The following FHOD3 variants were observed in gnomAD, a reference collection of about 807,000 sequenced individuals.
FHOD3 encodes formin homology 2 domain containing 3.
FHOD3 carries 90 observed loss-of-function variants against 173.0 expected under a neutral mutation model. The observed-to-expected ratio is 0.52, with a 90% CI of 0.44 to 0.62. The LOEUF is 0.62. Ranked by LOEUF, FHOD3 falls within the 20% of genes least tolerant of loss-of-function variation. The pLI is 0.00. For synonymous variants in FHOD3, 828 were observed against 823.0 expected (o/e 1.01, Z -0.10); for missense variants, 1,945 against 2,034.7 (o/e 0.96, Z 0.85).
intron 5 of FHOD3, 115 bp downstream of exon 5, chr18:36,512,658 G>T: frequency 2.7e-6 from 2 of 731,876 alleles, no homozygotes; most frequent in South Asian, 1.6e-5. Context: ...AGAGTAAGGT[G>T]GTAAAGACAC....
intron 14 of FHOD3, among the ~76,000 whole-genome samples, chr18:36,664,777 T>TGAGAGAGAGAGAGAGAGAGAGAGA (rs373836211): frequency 4.6e-5 from 6 of 129,518 alleles, no homozygotes; most frequent in Non-Finnish European, 9.7e-5. Flanking sequence ...TGTGTGTATG[T>TGAGAGAGAGAGAGAGAGAGAGAGA]GAGAGAGAGA....
intron 9 of FHOD3, among the ~76,000 whole-genome samples, chr18:36,621,924 G>A (rs2033741075): frequency 6.6e-6 from 1 of 152,156 alleles, no homozygotes; most frequent in Non-Finnish European, 1.5e-5. Flanking sequence ...AATAGCCAAG[G>A]TGTGGAACCA....
intron 1 of FHOD3, among the ~76,000 whole-genome samples, chr18:36,339,769 G>A (rs1372638623): frequency 6.6e-6 from 1 of 152,186 alleles, no homozygotes; most frequent in African/African-American, 2.4e-5. Context: ...GTATCCCCGT[G>A]CCTGAGAAAG....
At chr18:36,529,806 TA>T (rs1241376543) in intron 5 of FHOD3, among the ~76,000 whole-genome samples, 1 of 151,966 alleles carries the variant, frequency 6.6e-6, no homozygotes, top group African/African-American at 2.4e-5. Flanking sequence ...TCTCAAAAAA[TA>T]AAAATAAAAA....
intron 3 of FHOD3, among the ~76,000 whole-genome samples, chr18:36,400,011 G>C (rs1398694294): frequency 6.6e-6 from 1 of 152,190 alleles, no homozygotes; most frequent in African/African-American, 2.4e-5. Context: ...CCCAAAAGCT[G>C]GACAGGAAGA....
chr18:36,569,284 A>T (rs1238168751), intron 5 of FHOD3, among the ~76,000 whole-genome samples: 2 of 152,196 alleles, frequency 1.3e-5, no homozygotes, highest in African/African-American at 4.8e-5. Context: ...TGCAGGAGAA[A>T]AAAACATGCA....
chr18:36,721,134 C>T (rs1277380145), intron 19 of FHOD3, among the ~76,000 whole-genome samples: 1 of 152,124 alleles, frequency 6.6e-6, no homozygotes, highest in Non-Finnish European at 1.5e-5. Flanking sequence ...AATGTATTGC[C>T]TAGCTAATAG....
At chr18:36,499,365 A>G (rs1292706906) in intron 3 of FHOD3, among the ~76,000 whole-genome samples, 1 of 152,100 alleles carries the variant, frequency 6.6e-6, no homozygotes, top group Non-Finnish European at 1.5e-5. Context: ...CGGCCTCCCA[A>G]AGTGCTGGGA....
Position 36,561,168 on chromosome 18 carries a change from T to C in FHOD3, c.512-15283T>C, listed in dbSNP as rs75381141. ...AGTAGCTGATAACATGAGAAATGCTTATATAATTACAGAAATGAAAGCAAA... is the reference window on the plus strand; with the variant it reads ...AGTAGCTGATAACATGAGAAATGCTCATATAATTACAGAAATGAAAGCAAA... On this transcript the variant is annotated intron_variant, in intron 5 of 28. Transcript: ENST00000590592. 6.5e-3 allele frequency among the ~76,000 whole-genome samples: 993 copies of C among 152,332 alleles called. 49 individuals carry two copies. In the East Asian group the frequency reaches 0.12, roughly 18 times the overall value.
rs1309205320 is a variant in FHOD3 at position 36,709,411 on chromosome 18, T to G, written c.2533+20T>G. 15 of 1,600,774 alleles carry G rather than the reference T, an allele frequency of 9.4e-6. No individual in the cohort carries two copies. The highest frequency in any genetic ancestry group is 1.3e-5 in the Non-Finnish European group (15 of 1,172,546). On this transcript the variant is annotated intron_variant, in intron 18 of 28. Transcript: ENST00000590592. ...CAACTGGTAAATGAAGCCCCTTGTT[T>G]CAGTCGGCATGTGCCAGGGAGGCCT...
chr18:36,462,959 G>A (rs1366868914), intron 3 of FHOD3, among the ~76,000 whole-genome samples: 1 of 152,094 alleles, frequency 6.6e-6, no homozygotes, highest in Non-Finnish European at 1.5e-5. Flanking sequence ...TGTATTGGAT[G>A]GCTAAAATAA....
chr18:36,629,293 A>G (rs746785321), intron 10 of FHOD3, among the ~76,000 whole-genome samples: 2 of 152,248 alleles, frequency 1.3e-5, no homozygotes, highest in Non-Finnish European at 1.5e-5. Context: ...AGCCACTGGT[A>G]CTGGCATGAG....
At chr18:36,751,197 C>T (rs565539623) in intron 24 of FHOD3, among the ~76,000 whole-genome samples, 58 of 152,308 alleles carry the variant, frequency 3.8e-4, no homozygotes, top group Non-Finnish European at 7.6e-4. Context: ...TCTTTCACCT[C>T]CCTGGTTAGC....
At chr18:36,622,066 A>G (rs1444551622) in intron 9 of FHOD3, among the ~76,000 whole-genome samples, 2 of 152,202 alleles carry the variant, frequency 1.3e-5, no homozygotes, top group African/African-American at 4.8e-5. Flanking sequence ...CATTTTGCTA[A>G]GTGAAATGGC....
intron 27 of FHOD3, among the ~76,000 whole-genome samples, chr18:36,763,004 G>T (rs902130452): frequency 2.5e-4 from 29 of 116,068 alleles, no homozygotes; most frequent in Non-Finnish European, 1.9e-4. Flanking sequence ...TATTATATAC[G>T]TTATATATGC....
chr18:36,426,729 G>C (rs890148384), intron 3 of FHOD3, among the ~76,000 whole-genome samples: 3 of 152,208 alleles, frequency 2.0e-5, no homozygotes, highest in Non-Finnish European at 2.9e-5. Flanking sequence ...CACTGTATTA[G>C]TAACTGAAGT....
At chr18:36,621,131 A>T (rs1366133695) in intron 9 of FHOD3, among the ~76,000 whole-genome samples, 1 of 152,202 alleles carries the variant, frequency 6.6e-6, no homozygotes, top group Non-Finnish European at 1.5e-5. Flanking sequence ...TTTCACATAC[A>T]TAAATTGACA....
intron 3 of FHOD3, among the ~76,000 whole-genome samples, chr18:36,478,844 C>G (rs542402817): frequency 5.6e-4 from 85 of 152,302 alleles, no homozygotes; most frequent in Non-Finnish European, 1.1e-3. Flanking sequence ...CACCTCCACC[C>G]CCTGACTCCT....
chr18:36,473,534 A>G (rs2053398466), intron 3 of FHOD3, among the ~76,000 whole-genome samples: 1 of 152,246 alleles, frequency 6.6e-6, no homozygotes, highest in Non-Finnish European at 1.5e-5. Flanking sequence ...CTAGTGAGTC[A>G]CACAGCTAGG....
Sources: allele counts gnomAD v4.1 joint callset (sites outside exome capture counted in the v4.1 genomes callset), GRCh38; gene constraint gnomAD v4.1.1; transcripts MANE v1.5; gene names NCBI Gene and HGNC (gene_info 2026-07-23, HGNC 2026-07-21).